The following SMOC1 variants were observed in gnomAD, a reference collection of about 807,000 sequenced individuals.
SMOC1 encodes the protein SPARC related modular calcium binding 1, also known as SPARC-related modular calcium-binding protein 1.
In SMOC1, 22 loss-of-function variants were observed where a neutral mutation model predicts 56.3. That is an observed-to-expected ratio of 0.39 (90% CI 0.28 to 0.56). The LOEUF is 0.56. Ranked by LOEUF, SMOC1 falls within the 20% of genes least tolerant of loss-of-function variation. SMOC1 has a pLI of 0.61. For synonymous variants in SMOC1, 193 were observed against 215.0 expected (o/e 0.90, Z 0.89); for missense variants, 509 against 565.4 (o/e 0.90, Z 1.01).
intron 3 of SMOC1, among the ~76,000 whole-genome samples, chr14:69,959,465 A>G (rs1301895138): frequency 6.6e-6 from 1 of 152,220 alleles, no homozygotes; most frequent in African/African-American, 2.4e-5. Context: ...AATAATATAG[A>G]ATATAAAACT....
rs1020049516 is a variant in SMOC1 at position 69,903,439 on chromosome 14, G to A, written c.99+23662G>A. Among the ~76,000 whole-genome samples, 7 of 152,200 alleles carry A rather than the reference G, an allele frequency of 4.6e-5. No homozygotes were observed. In the South Asian group the frequency reaches 8.3e-4, roughly 18 times the overall value. On this transcript the variant is annotated intron_variant, in intron 1 of 11. Coordinates refer to ENST00000361956, the MANE Select transcript of SMOC1 (RefSeq NM_001034852.3). ...CTCATTGAGAACGGGCCATGATGAC[G>A]ATGGCGGTTTTGTCGAATAGAAAAG...
At chr14:69,901,604 A>G (rs1239345622) in intron 1 of SMOC1, among the ~76,000 whole-genome samples, 1 of 152,238 alleles carries the variant, frequency 6.6e-6, no homozygotes, top group African/African-American at 2.4e-5. Context: ...AAGTATTCTG[A>G]TTCCTATTAG....
At chr14:70,011,451 CCT>C in intron 8 of SMOC1, 32 bp from the exon 9 acceptor site, 2 of 1,395,964 alleles carry the variant, frequency 1.4e-6, no homozygotes, top group South Asian at 1.2e-5. Flanking sequence ...GTTGCCAGCC[CCT>C]CCCAACCCCC....
At chr14:69,939,926 G>A (rs573966987) in intron 1 of SMOC1, among the ~76,000 whole-genome samples, 2 of 152,296 alleles carry the variant, frequency 1.3e-5, no homozygotes, top group African/African-American at 2.4e-5. Context: ...CAAAGCTGTC[G>A]ATTCAGGTGC....
chr14:70,030,473 G>A lies in SMOC1; in HGVS notation c.*215G>A. On this transcript the variant is annotated 3_prime_UTR_variant, in exon 12 of 12. Coordinates refer to ENST00000361956, the MANE Select transcript of SMOC1 (RefSeq NM_001034852.3). Reference sequence around the variant, plus strand: ...AATACCACAGTGGGAAAAGGAAAGGGAAGAAAGACTTTATTCTCTCTCTTA... The same window carrying A: ...AATACCACAGTGGGAAAAGGAAAGGAAAGAAAGACTTTATTCTCTCTCTTA... 2 of 301,134 alleles carry A rather than the reference G, an allele frequency of 6.6e-6. No homozygotes were observed. Among genetic ancestry groups the A allele is most frequent in the Non-Finnish European group, 1.2e-5 (2 of 163,820 alleles). The allele number at this position is 301,134 out of a possible 1,614,324, so 18.7% of individuals were successfully genotyped here.
chr14:70,018,337 G>A (rs114676672), intron 10 of SMOC1, among the ~76,000 whole-genome samples: 1,953 of 151,660 alleles, frequency 0.013, 34 homozygotes, highest in African/African-American at 0.045. Flanking sequence ...GCTACATGCA[G>A]GGAGTAGAAG....
At chr14:69,998,363 C>T (rs933506752) in intron 7 of SMOC1, among the ~76,000 whole-genome samples, 3 of 152,074 alleles carry the variant, frequency 2.0e-5, no homozygotes, top group Non-Finnish European at 4.4e-5. Context: ...ACAGCATCTT[C>T]CCATAGATGA....
At chr14:69,888,493 A>G (rs1883871680) in intron 1 of SMOC1, among the ~76,000 whole-genome samples, 1 of 152,208 alleles carries the variant, frequency 6.6e-6, no homozygotes, top group African/African-American at 2.4e-5. Context: ...CTCTCATCTC[A>G]GTAGAGCCTT....
chr14:69,994,340 A>T, intron 6 of SMOC1, 60 bp from the exon 7 acceptor site: 1 of 1,320,258 alleles, frequency 7.6e-7, no homozygotes. Context: ...CTGAGGTTAC[A>T]CTTCCACTCA....
At chr14:69,914,693 C>A (rs1177107920) in intron 1 of SMOC1, among the ~76,000 whole-genome samples, 1 of 152,160 alleles carries the variant, frequency 6.6e-6, no homozygotes, top group Non-Finnish European at 1.5e-5. Context: ...CTAAGTCTTA[C>A]CTGGTTTCCA....
chr14:69,945,393 G>C (rs1189032663), intron 1 of SMOC1, among the ~76,000 whole-genome samples: 1 of 152,154 alleles, frequency 6.6e-6, no homozygotes, highest in African/African-American at 2.4e-5. Flanking sequence ...TAGGGGTAGG[G>C]ATGGGGGCAG....
chr14:70,009,818 C>G (rs1885268737), intron 7 of SMOC1, among the ~76,000 whole-genome samples: 1 of 152,010 alleles, frequency 6.6e-6, no homozygotes, highest in Non-Finnish European at 1.5e-5. Context: ...TTTCCACTTT[C>G]TTTTTTAAAA....
chr14:69,919,517 A>G (rs1262810597), intron 1 of SMOC1, among the ~76,000 whole-genome samples: 1 of 152,256 alleles, frequency 6.6e-6, no homozygotes, highest in Admixed American at 6.5e-5. Flanking sequence ...GGCACATGTA[A>G]TATCGTAACA....
chr14:69,997,714 G>A (rs1042988506), intron 7 of SMOC1, among the ~76,000 whole-genome samples: 1 of 152,032 alleles, frequency 6.6e-6, no homozygotes, highest in African/African-American at 2.4e-5. Flanking sequence ...TATCATATTT[G>A]GTTTAATGAG....
intron 1 of SMOC1, among the ~76,000 whole-genome samples, chr14:69,881,909 C>T (rs1021900698): frequency 1.2e-4 from 19 of 152,280 alleles, no homozygotes; most frequent in African/African-American, 4.6e-4. Context: ...GGTGGCCAAT[C>T]GACTTGCCTG....
At chr14:69,983,384 G>T (rs973510816) in intron 5 of SMOC1, among the ~76,000 whole-genome samples, 2 of 152,222 alleles carry the variant, frequency 1.3e-5, no homozygotes, top group Non-Finnish European at 2.9e-5. Flanking sequence ...AGGACCCAGG[G>T]ATGAGTATAA....
intron 1 of SMOC1, among the ~76,000 whole-genome samples, chr14:69,941,195 T>C (rs1882546697): frequency 6.6e-6 from 1 of 152,206 alleles, no homozygotes; most frequent in African/African-American, 2.4e-5. Flanking sequence ...CAAAGCCCAC[T>C]GATATTCTCC....
intron 1 of SMOC1, among the ~76,000 whole-genome samples, chr14:69,908,294 G>A (rs1333202316): frequency 6.6e-6 from 1 of 152,186 alleles, no homozygotes; most frequent in African/African-American, 2.4e-5. Context: ...TGTGTAAAAG[G>A]AACATGTATT....
intron 3 of SMOC1, among the ~76,000 whole-genome samples, chr14:69,966,535 A>G (rs1883583303): frequency 6.6e-6 from 1 of 152,148 alleles, no homozygotes; most frequent in Non-Finnish European, 1.5e-5. Flanking sequence ...GACCTTCTGG[A>G]TTAAAGAGGA....
Sources: allele counts gnomAD v4.1 joint callset (sites outside exome capture counted in the v4.1 genomes callset), GRCh38; gene constraint gnomAD v4.1.1; transcripts MANE v1.5; gene names NCBI Gene and HGNC (gene_info 2026-07-23, HGNC 2026-07-21).